Variants in RNF217 observed in about 807,000 individuals in gnomAD.
The protein encoded by RNF217 is E3 ubiquitin-protein ligase RNF217.
In RNF217, 31 loss-of-function variants were observed where a neutral mutation model predicts 57.8. That is an observed-to-expected ratio of 0.54 (90% CI 0.40 to 0.72). RNF217 has a LOEUF of 0.72. Among genes scored for constraint, RNF217 ranks in the 30% least tolerant of loss-of-function variants. The pLI is 0.00. For synonymous variants in RNF217, 313 were observed against 294.0 expected (o/e 1.06, Z -0.66); for missense variants, 696 against 708.3 (o/e 0.98, Z 0.20).
chr6:125,072,094 G>A (rs1425216816), intron 3 of RNF217, among the ~76,000 whole-genome samples: 1 of 152,170 alleles, frequency 6.6e-6, no homozygotes, highest in East Asian at 1.9e-4. Flanking sequence ...TGATAAAGGT[G>A]TACTTGGGGA....
In RNF217 at chr6:125,010,176, T is replaced by G. The variant is rs1448894759; in HGVS notation, c.883-35035T>G. On this transcript the variant is annotated intron_variant, in intron 1 of 5. Coordinates refer to ENST00000521654, the MANE Select transcript of RNF217 (RefSeq NM_001286398.3). ...TTCTTACATTATGCTCGTTCAGTAT[T>G]TTGCTCTAAAGGAATGAAGATAGTG... Among the ~76,000 whole-genome samples, 3 of 152,108 alleles carry G rather than the reference T, an allele frequency of 2.0e-5. No individual in the cohort carries two copies. The East Asian group carries it at 5.8e-4, about 29-fold the overall frequency.
At position 124,962,603 on chromosome 6, in the gene RNF217, TG is replaced by T; in HGVS notation, c.61del (p.Ala21ProfsTer175). 7.6e-7 allele frequency: 1 copy of T among 1,307,408 alleles called. No individual in the cohort carries two copies. The highest frequency in any genetic ancestry group is 2.4e-5 in the South Asian group (1 of 42,514). 81.0% of individuals were successfully genotyped at this position (1,307,408 alleles called of 1,614,324 possible). ...GGCGGGCCCCAGGAGTCGCAGACCC[TG>T]GCCAGTGGCACTGCGGGCCACCCTG... Reference protein sequence around the residue: ...GGGGPQESQTLASGTAGHPEP... With the variant: ...GGGGPQESQTXASGTAGHPEP... On this transcript the variant is annotated frameshift_variant, in exon 1 of 6. Transcript: ENST00000521654. LOFTEE classifies it high-confidence loss of function. This position sits in a 1 kb window ranked among gnomAD's most constrained non-coding sequence, Gnocchi z 4.6.
At chr6:124,965,519 G>A (rs1029708893) in intron 1 of RNF217, among the ~76,000 whole-genome samples, 6 of 152,138 alleles carry the variant, frequency 3.9e-5, no homozygotes, top group African/African-American at 1.4e-4. Flanking sequence ...GTTGCAGTGA[G>A]CCAAGATCAC....
chr6:125,039,243 T>C (rs1196587002), intron 1 of RNF217, among the ~76,000 whole-genome samples: 1 of 152,086 alleles, frequency 6.6e-6, no homozygotes, highest in Non-Finnish European at 1.5e-5. Context: ...TTTTTCTTTT[T>C]TAAAAAAATT....
At chr6:125,081,103 A>C (rs904531945) in intron 4 of RNF217, among the ~76,000 whole-genome samples, 2 of 152,062 alleles carry the variant, frequency 1.3e-5, no homozygotes, top group African/African-American at 4.8e-5. Context: ...AGCATTGCGA[A>C]CATTGAAAAT....
intron 1 of RNF217, among the ~76,000 whole-genome samples, chr6:125,003,129 T>C (rs540124525): frequency 1.4e-4 from 21 of 152,018 alleles, no homozygotes; most frequent in African/African-American, 5.1e-4. Flanking sequence ...CACACACACA[T>C]ACCTATTCAC....
chr6:125,034,642 T>A, intron 1 of RNF217, among the ~76,000 whole-genome samples: 1 of 152,188 alleles, frequency 6.6e-6, no homozygotes, highest in East Asian at 1.9e-4. Flanking sequence ...TGCCTCCAGC[T>A]TTGTTCTTTT....
intron 1 of RNF217, among the ~76,000 whole-genome samples, chr6:125,039,073 T>C (rs1001237699): frequency 6.6e-6 from 1 of 151,984 alleles, no homozygotes; most frequent in Non-Finnish European, 1.5e-5. Context: ...GTTGTTCAAC[T>C]CCCACTTGTA....
chr6:125,000,680 A>G (rs1784944170), intron 1 of RNF217, among the ~76,000 whole-genome samples: 1 of 152,066 alleles, frequency 6.6e-6, no homozygotes, highest in African/African-American at 2.4e-5. Flanking sequence ...ATTTTATCTG[A>G]ATATATTGGC....
intron 1 of RNF217, among the ~76,000 whole-genome samples, chr6:125,001,114 T>C (rs1244894890): frequency 1.3e-5 from 2 of 152,190 alleles, no homozygotes; most frequent in Non-Finnish European, 2.9e-5. Context: ...TTTCTATTGA[T>C]TAATACCACC....
chr6:125,043,849 T>C (rs1484455308), intron 1 of RNF217, among the ~76,000 whole-genome samples: 3 of 152,034 alleles, frequency 2.0e-5, no homozygotes, highest in East Asian at 1.9e-4. Context: ...TAGCATAAAA[T>C]TATGCAACAA....
intron 1 of RNF217, among the ~76,000 whole-genome samples, chr6:125,038,440 T>A (rs1786737904): frequency 6.6e-6 from 1 of 152,140 alleles, no homozygotes; most frequent in Admixed American, 6.5e-5. Flanking sequence ...ATGAATGAAA[T>A]GACATGATAT....
At chr6:124,979,916 CAT>C (rs1232127921) in intron 1 of RNF217, among the ~76,000 whole-genome samples, 1 of 152,060 alleles carries the variant, frequency 6.6e-6, no homozygotes, top group Non-Finnish European at 1.5e-5. Context: ...GGCTCTGTCT[CAT>C]GTCCTGTCAC....
At chr6:124,979,944 C>T (rs191903061) in intron 1 of RNF217, among the ~76,000 whole-genome samples, 2 of 152,250 alleles carry the variant, frequency 1.3e-5, no homozygotes, top group African/African-American at 2.4e-5. Flanking sequence ...GGATCTTTGC[C>T]TTTAAAAAGT....
rs1484327809 is a variant in RNF217, at chr6:124,982,487, A to G, written c.882+19061A>G. 2.0e-5 allele frequency among the ~76,000 whole-genome samples: 3 copies of G among 152,082 alleles called. No homozygotes were observed. In the East Asian group the frequency reaches 5.8e-4, roughly 29 times the overall value. ...CTATAGCAAAAATGTGGTCATTGGT[A>G]CCTCACGTATGGGAAAATTCTGTAG... On this transcript the variant is annotated intron_variant, in intron 1 of 5. Transcript: ENST00000521654.
rs564782659 is a variant in RNF217, at chr6:125,004,582, T to A, written c.883-40629T>A. Among the ~76,000 whole-genome samples, 12 of 152,306 alleles carry A rather than the reference T, an allele frequency of 7.9e-5. No individual in the cohort carries two copies. The South Asian group carries it at 1.5e-3, about 18-fold the overall frequency. On this transcript the variant is annotated intron_variant, in intron 1 of 5. Coordinates refer to ENST00000521654, the MANE Select transcript of RNF217 (RefSeq NM_001286398.3). ...GCCTCCAAAGGTAGGTACAGAAGTGTTCTAAGTTGGGATAGTATCACTGGG... is the reference window on the plus strand; with the variant it reads ...GCCTCCAAAGGTAGGTACAGAAGTGATCTAAGTTGGGATAGTATCACTGGG...
intron 2 of RNF217, among the ~76,000 whole-genome samples, chr6:125,052,564 T>C (rs1464213846): frequency 6.6e-6 from 1 of 152,002 alleles, no homozygotes; most frequent in East Asian, 1.9e-4. Context: ...GGGAGTAAGA[T>C]TAAAGACAAG....
intron 5 of RNF217, among the ~76,000 whole-genome samples, 176 bp downstream of exon 5, chr6:125,081,683 G>A (rs1377940869): frequency 3.3e-5 from 5 of 152,052 alleles, no homozygotes; most frequent in South Asian, 2.1e-4. Flanking sequence ...GTTTCCTGTA[G>A]GATATGTTAG....
intron 2 of RNF217, among the ~76,000 whole-genome samples, chr6:125,053,261 A>AC (rs1472643005): frequency 6.6e-6 from 1 of 151,790 alleles, no homozygotes; most frequent in East Asian, 1.9e-4. Context: ...TATCTGTCAG[A>AC]CCCCAGTAAG....
Sources: allele counts gnomAD v4.1 joint callset (sites outside exome capture counted in the v4.1 genomes callset), GRCh38; gene constraint gnomAD v4.1.1; non-coding constraint Gnocchi (gnomAD v3.1); transcripts MANE v1.5; gene names NCBI Gene and HGNC (gene_info 2026-07-23, HGNC 2026-07-21).